The following GOLPH3L variants were observed in gnomAD, a reference collection of about 807,000 sequenced individuals.
The protein encoded by GOLPH3L is Golgi phosphoprotein 3-like.
In GOLPH3L, 22 loss-of-function variants were observed where a neutral mutation model predicts 30.3. The observed-to-expected ratio is 0.73, with a 90% CI of 0.52 to 1.04. The LOEUF (loss-of-function observed/expected upper bound fraction) is 1.04, where lower values mean the gene tolerates loss of function less well. Among genes scored for constraint, GOLPH3L ranks in the 50% least tolerant of loss-of-function variants. The pLI, the probability that GOLPH3L is intolerant of heterozygous loss-of-function variation, is 0.00. For synonymous variants in GOLPH3L, 120 were observed against 128.2 expected (o/e 0.94, Z 0.43); for missense variants, 303 against 345.8 (o/e 0.88, Z 0.98).
chr1:150,652,934 CTCT>C (rs1294505816), intron 4 of GOLPH3L, among the ~76,000 whole-genome samples: 1 of 151,690 alleles, frequency 6.6e-6, no homozygotes, highest in African/African-American at 2.4e-5. Context: ...GTGCTTTCTT[CTCT>C]TCTTTAATAA....
chr1:150,659,441 C>T (rs6672754), intron 4 of GOLPH3L, among the ~76,000 whole-genome samples: 55,118 of 152,074 alleles, frequency 0.36, 10,438 homozygotes, highest in South Asian at 0.54. Context: ...ATGAGAGATC[C>T]GTGCCTTAAG....
chr1:150,663,074 C>A (rs1007209379), intron 3 of GOLPH3L, among the ~76,000 whole-genome samples: 10 of 151,786 alleles, frequency 6.6e-5, no homozygotes, highest in African/African-American at 2.4e-4. Context: ...TTGCACTGTC[C>A]CCCAGGCTGG....
chr1:150,686,899 A>G (rs1651097653), intron 2 of GOLPH3L, among the ~76,000 whole-genome samples: 1 of 152,204 alleles, frequency 6.6e-6, no homozygotes, highest in Non-Finnish European at 1.5e-5. Flanking sequence ...TTTTATACCA[A>G]TAGTAAATAG....
At chr1:150,658,134 C>T (rs916998282) in intron 4 of GOLPH3L, among the ~76,000 whole-genome samples, 2 of 152,292 alleles carry the variant, frequency 1.3e-5, no homozygotes, top group African/African-American at 2.4e-5. Flanking sequence ...GGGAGGATCC[C>T]GAGGACCCCC....
chr1:150,691,424 G>A (rs945101290), intron 2 of GOLPH3L, among the ~76,000 whole-genome samples: 1 of 152,098 alleles, frequency 6.6e-6, no homozygotes, highest in Non-Finnish European at 1.5e-5. Context: ...ATTGAGACAG[G>A]AGAATTGCTT....
intron 4 of GOLPH3L, 79 bp downstream of exon 4, chr1:150,661,735 G>A (rs769897723): frequency 6.8e-5 from 52 of 763,954 alleles, no homozygotes; most frequent in Middle Eastern, 4.7e-4. Context: ...GATGAATTTC[G>A]GTACATCTTT....
chr1:150,680,504 A>C (rs1042448123), intron 2 of GOLPH3L, among the ~76,000 whole-genome samples: 1 of 152,196 alleles, frequency 6.6e-6, no homozygotes, highest in African/African-American at 2.4e-5. Flanking sequence ...AAGATTACTA[A>C]GAATACTAGG....
chr1:150,692,877 T>C (rs1160281395), intron 2 of GOLPH3L, among the ~76,000 whole-genome samples: 1 of 152,256 alleles, frequency 6.6e-6, no homozygotes, highest in African/African-American at 2.4e-5. Flanking sequence ...ATCATTCCTA[T>C]TCAAAGCTAA....
rs1218724008 is a variant in GOLPH3L at position 150,647,133 on chromosome 1, C to A, written c.*1188G>T. 1.3e-5 allele frequency: 2 copies of A among 152,096 alleles called. No individual in the cohort carries two copies. The allele number at this position is 152,096 out of a possible 1,614,324, so 9.4% of individuals were successfully genotyped here. A position where few individuals can be genotyped will look rare whatever the true frequency, so the allele number is the denominator to read the frequency against. Reference sequence around the variant, plus strand: ...ATAGGAAATAAAAAGATCTGGAGTTCAGATATACTGATATATTCAGCAACT... The same window carrying A: ...ATAGGAAATAAAAAGATCTGGAGTTAAGATATACTGATATATTCAGCAACT... On this transcript the variant is annotated 3_prime_UTR_variant, in exon 5 of 5. Transcript: ENST00000271732.
chr1:150,695,492 G>A (rs901465465), intron 1 of GOLPH3L, among the ~76,000 whole-genome samples: 2 of 151,832 alleles, frequency 1.3e-5, no homozygotes, highest in African/African-American at 4.8e-5. Flanking sequence ...ATCCACCATT[G>A]TCACTCCTCT....
rs376883215 is a variant in GOLPH3L, at chr1:150,676,111, C to G, written c.184-12348G>C. The stretch of plus-strand genomic sequence containing the variant: ...GCCTCAGCCTCCTAAGTAGCTGGAA[C>G]TACCAGCGCATGCCACCATGCCTGG... On this transcript the variant is annotated intron_variant, in intron 2 of 4. Coordinates refer to ENST00000271732, the MANE Select transcript of GOLPH3L (RefSeq NM_018178.6). 1.1e-3 allele frequency among the ~76,000 whole-genome samples: 169 copies of G among 152,036 alleles called. 2 individuals carry two copies. In the South Asian group the frequency reaches 0.023, roughly 21 times the overall value.
intron 2 of GOLPH3L, among the ~76,000 whole-genome samples, chr1:150,679,164 G>A (rs1650888386): frequency 6.6e-6 from 1 of 152,130 alleles, no homozygotes; most frequent in Non-Finnish European, 1.5e-5. Context: ...TTAAAAGGGT[G>A]ATAGTGCTGA....
chr1:150,660,957 C>T lies in GOLPH3L; in HGVS notation c.430+857G>A, dbSNP rs192843838. 8.1e-3 allele frequency among the ~76,000 whole-genome samples: 1,241 copies of T among 152,296 alleles called. 9 individuals carry two copies. The highest frequency in any genetic ancestry group is 0.011 in the Non-Finnish European group (743 of 68,028). On this transcript the variant is annotated intron_variant, in intron 4 of 4. Transcript: ENST00000271732. ...AATAATAATAAATGTTGGCTGGGCG[C>T]GGTGGCTCACGCCTGTAATCCCAGC...
intron 2 of GOLPH3L, among the ~76,000 whole-genome samples, chr1:150,671,283 G>T (rs587708130): frequency 6.6e-6 from 1 of 151,808 alleles, no homozygotes; most frequent in Non-Finnish European, 1.5e-5. Flanking sequence ...ATTTGTGTGT[G>T]TATTTCTGTT....
intron 2 of GOLPH3L, among the ~76,000 whole-genome samples, chr1:150,688,988 T>C (rs942548749): frequency 2.6e-5 from 4 of 152,168 alleles, no homozygotes; most frequent in Non-Finnish European, 5.9e-5. Context: ...AAACCATAAA[T>C]TGACCTCAAA....
At chr1:150,684,199 C>A (rs2101814362) in intron 2 of GOLPH3L, among the ~76,000 whole-genome samples, 1 of 152,200 alleles carries the variant, frequency 6.6e-6, no homozygotes, top group South Asian at 2.1e-4. Context: ...ACTTCTAATC[C>A]CTAGAACTGT....
At chr1:150,676,826 T>C (rs1650791429) in intron 2 of GOLPH3L, among the ~76,000 whole-genome samples, 1 of 151,878 alleles carries the variant, frequency 6.6e-6, no homozygotes, top group Admixed American at 6.6e-5. Flanking sequence ...GTATTTTTAG[T>C]AGAGACTGGG....
chr1:150,664,018 A>C (rs1418200009), intron 2 of GOLPH3L, among the ~76,000 whole-genome samples: 6 of 145,776 alleles, frequency 4.1e-5, no homozygotes, highest in Non-Finnish European at 6.1e-5. Flanking sequence ...TTTTTTTTTG[A>C]GACAGGGTCT....
At chr1:150,673,640 G>A (rs1650694792) in intron 2 of GOLPH3L, among the ~76,000 whole-genome samples, 1 of 151,962 alleles carries the variant, frequency 6.6e-6, no homozygotes, top group Non-Finnish European at 1.5e-5. Flanking sequence ...GCAAAAATTT[G>A]AAAACAGGCC....
Sources: allele counts gnomAD v4.1 joint callset (sites outside exome capture counted in the v4.1 genomes callset), GRCh38; gene constraint gnomAD v4.1.1; transcripts MANE v1.5; gene names NCBI Gene and HGNC (gene_info 2026-07-23, HGNC 2026-07-21).